DYM: variants seen among roughly 807,000 people sequenced by gnomAD.
DYM encodes the protein dyggve-Melchior-Clausen syndrome protein.
DYM carries 78 observed loss-of-function variants against 93.1 expected under a neutral mutation model. The observed-to-expected ratio is 0.84, with a 90% CI of 0.70 to 1.01. The LOEUF is 1.01. DYM is among the 50% of genes least tolerant of loss of function. The pLI is 0.00. For synonymous variants in DYM, 321 were observed against 319.7 expected, an observed-to-expected ratio of 1.00 and a Z score of -0.04; for missense variants, 789 against 845.0, an observed-to-expected ratio of 0.93 and a Z score of 0.82.
At chr18:49,117,536 T>A (rs1022283288) in intron 16 of DYM, among the ~76,000 whole-genome samples, 2 of 152,174 alleles carry the variant, frequency 1.3e-5, no homozygotes, top group Non-Finnish European at 1.5e-5. Flanking sequence ...TATTGAGTTA[T>A]TTATCTATTA....
chr18:49,102,351 A>C (rs1410326840), intron 16 of DYM, among the ~76,000 whole-genome samples: 1 of 152,102 alleles, frequency 6.6e-6, no homozygotes, highest in Non-Finnish European at 1.5e-5. Flanking sequence ...TTTCCCTTGT[A>C]AACTTCTTTT....
chr18:49,421,850 G>A (rs1272650396), intron 2 of DYM, among the ~76,000 whole-genome samples: 10 of 152,028 alleles, frequency 6.6e-5, no homozygotes, highest in Non-Finnish European at 1.2e-4. Flanking sequence ...AAGAACTACG[G>A]GACACATGCA....
Position 49,091,997 on chromosome 18 carries a change from A to T in DYM, c.2025+5405T>A, listed in dbSNP as rs938921366. Among the ~76,000 whole-genome samples the T allele has an allele frequency of 6.6e-5, 10 of 152,262 alleles. No homozygotes were observed. In the East Asian group the frequency reaches 1.5e-3, roughly 24 times the overall value. On this transcript the variant is annotated intron_variant, in intron 17 of 17. Transcript: ENST00000675505. The stretch of plus-strand genomic sequence containing the variant: ...TTTAATGGGTCTGACTAGCAATTTT[A>T]AAAAAAGAAAACAGAATAGGCAATA...
intron 8 of DYM, among the ~76,000 whole-genome samples, chr18:49,315,535 C>G (rs182128502): frequency 6.6e-6 from 1 of 152,266 alleles, no homozygotes; most frequent in African/African-American, 2.4e-5. Flanking sequence ...CTTTGCCCAT[C>G]ATAAAAAACT....
chr18:49,067,407 AG>A (rs2076530336), intron 17 of DYM, among the ~76,000 whole-genome samples: 1 of 9,184 alleles, frequency 1.1e-4, no homozygotes, highest in Non-Finnish European at 1.9e-4. Context: ...GGGTGATGTG[AG>A]TGTTATGGAG....
At chr18:49,445,461 T>A (rs1364685012) in intron 1 of DYM, among the ~76,000 whole-genome samples, 3 of 151,620 alleles carry the variant, frequency 2.0e-5, no homozygotes, top group African/African-American at 7.3e-5. Flanking sequence ...ACACCTGAAA[T>A]TTAAAACAAA....
intron 15 of DYM, among the ~76,000 whole-genome samples, chr18:49,161,926 T>A (rs2145027851): frequency 6.6e-6 from 1 of 152,334 alleles, no homozygotes; most frequent in Non-Finnish European, 1.5e-5. Context: ...CTGGTATGCA[T>A]CATCACTGCA....
chr18:49,364,420 G>A (rs565881772), intron 5 of DYM, among the ~76,000 whole-genome samples: 2 of 151,988 alleles, frequency 1.3e-5, no homozygotes, highest in Admixed American at 6.6e-5. Flanking sequence ...ACTCCAGCCT[G>A]GGTGACAAAA....
At chr18:49,069,867 C>A (rs2076749541) in intron 17 of DYM, among the ~76,000 whole-genome samples, 1 of 152,146 alleles carries the variant, frequency 6.6e-6, no homozygotes, top group African/African-American at 2.4e-5. Context: ...ATGGTGAAAC[C>A]CCATCTCTAC....
intron 15 of DYM, among the ~76,000 whole-genome samples, chr18:49,121,139 T>C (rs968537921): frequency 1.3e-5 from 2 of 152,136 alleles, no homozygotes; most frequent in African/African-American, 2.4e-5. Flanking sequence ...ATAAAAGAAC[T>C]GTGATCTACA....
At chr18:49,399,144 A>G (rs1433199315) in intron 2 of DYM, among the ~76,000 whole-genome samples, 1 of 152,218 alleles carries the variant, frequency 6.6e-6, no homozygotes, top group East Asian at 1.9e-4. Flanking sequence ...ATGAAAAAGC[A>G]GACAGACAGT....
At chr18:49,284,165 T>A (rs1342411304) in intron 9 of DYM, among the ~76,000 whole-genome samples, 2 of 152,168 alleles carry the variant, frequency 1.3e-5, no homozygotes. Context: ...AAAGGGAATA[T>A]GTGGGTTGTG....
chr18:49,425,431 G>A (rs141853757), intron 2 of DYM, among the ~76,000 whole-genome samples: 3 of 151,904 alleles, frequency 2.0e-5, no homozygotes, highest in Admixed American at 6.6e-5. Flanking sequence ...GACCTAAAAC[G>A]ATAAAAACCC....
At position 49,384,322 on chromosome 18, in the gene DYM, CAAAAAAA is replaced by C. The variant is rs398032777; in HGVS notation, c.194-4571_194-4565del. Among the ~76,000 whole-genome samples, 52 of 65,844 alleles carry C rather than the reference CAAAAAAA, an allele frequency of 7.9e-4. 1 individual carries two copies. The South Asian group carries it at 0.026, about 33-fold the overall frequency. The allele number at this position is 65,844 out of a possible 152,430, so 43.2% of individuals were successfully genotyped here. A position where few individuals can be genotyped will look rare whatever the true frequency, so the allele number is the denominator to read the frequency against. On this transcript the variant is annotated intron_variant, in intron 3 of 17. Coordinates refer to ENST00000675505, the MANE Select transcript of DYM (RefSeq NM_001353214.3). ...GAGCGACAGAGTGAGACCATGTCTC[CAAAAAAA>C]AAAAAAAAAAAAAAGGCTGGGTGCA...
chr18:49,460,232 C>T (rs1045285204), intron 1 of DYM, among the ~76,000 whole-genome samples, 166 bp downstream of exon 1: 13 of 152,242 alleles, frequency 8.5e-5, no homozygotes, highest in African/African-American at 3.1e-4. Context: ...ACAGCCCCTC[C>T]GGGTGGCCCA....
At chr18:49,059,501 C>T (rs2075775612) in intron 17 of DYM, among the ~76,000 whole-genome samples, 1 of 152,140 alleles carries the variant, frequency 6.6e-6, no homozygotes, top group Non-Finnish European at 1.5e-5. Context: ...GTCATCTTTG[C>T]CACCTGGTTG....
At chr18:49,238,529 T>C (rs1041750350) in intron 13 of DYM, among the ~76,000 whole-genome samples, 10 of 152,148 alleles carry the variant, frequency 6.6e-5, no homozygotes, top group Admixed American at 2.6e-4. Flanking sequence ...TATTAACTGT[T>C]GTATTAGTTC....
chr18:49,282,311 A>G lies in DYM; in HGVS notation c.947-136T>C, dbSNP rs532150322. Reference sequence around the variant, plus strand: ...ACTACATTTCAGATTCAAAATTTTAATTTATGTAAAATTTACTTTAGGGCC... The same window carrying G: ...ACTACATTTCAGATTCAAAATTTTAGTTTATGTAAAATTTACTTTAGGGCC... On this transcript the variant is annotated intron_variant, in intron 9 of 17. Transcript: ENST00000675505. The G allele has an allele frequency of 1.1e-4, 112 of 977,520 alleles. No individual in the cohort carries two copies. The South Asian group carries it at 1.5e-3, about 13-fold the overall frequency. 60.6% of individuals were successfully genotyped at this position (977,520 alleles called of 1,614,324 possible). A position where few individuals can be genotyped will look rare whatever the true frequency, so the allele number is the denominator to read the frequency against.
At chr18:49,226,069 A>G (rs75861356) in intron 13 of DYM, among the ~76,000 whole-genome samples, 1,545 of 152,216 alleles carry the variant, frequency 0.01, 43 homozygotes, top group South Asian at 0.076. Flanking sequence ...TTCCACATAG[A>G]AAACAAAGTA....
Sources: allele counts gnomAD v4.1 joint callset (sites outside exome capture counted in the v4.1 genomes callset), GRCh38; gene constraint gnomAD v4.1.1; transcripts MANE v1.5; gene names NCBI Gene and HGNC (gene_info 2026-07-23, HGNC 2026-07-21).